CENPF: variants seen among roughly 807,000 people sequenced by gnomAD.
CENPF encodes centromere protein F.
In CENPF, 214 loss-of-function variants were observed where a neutral mutation model predicts 307.3. The ratio of observed to expected loss-of-function variants is 0.70; its 90% CI spans 0.62 to 0.78. The LOEUF (loss-of-function observed/expected upper bound fraction) is 0.78, where lower values mean the gene tolerates loss of function less well. Among genes scored for constraint, CENPF ranks in the 30% least tolerant of loss-of-function variants. The probability of loss-of-function intolerance (pLI) is 0.00; values close to 1 mark genes in which losing one functional copy is unlikely to be tolerated. For synonymous variants in CENPF, 1,259 were observed against 1,270.6 expected (o/e 0.99, Z 0.19); for missense variants, 3,401 against 3,483.9 (o/e 0.98, Z 0.60).
At chr1:214,647,608 G>A (rs1480926007) in intron 13 of CENPF, among the ~76,000 whole-genome samples, 1 of 152,130 alleles carries the variant, frequency 6.6e-6, no homozygotes, top group Non-Finnish European at 1.5e-5. Flanking sequence ...TGATTCTTTG[G>A]GACATGTTCA....
intron 7 of CENPF, among the ~76,000 whole-genome samples, chr1:214,627,619 G>A (rs7531311): frequency 0.015 from 2,306 of 151,756 alleles, 67 homozygotes; most frequent in African/African-American, 0.053. Flanking sequence ...CAGGTGATCC[G>A]CCCAACTTGG....
chr1:214,608,542 G>C (rs539143852), intron 1 of CENPF: 1 of 1,611,678 alleles, frequency 6.2e-7, no homozygotes, highest in Non-Finnish European at 8.5e-7. Context: ...ATACATGCAG[G>C]AGACGCGGTT....
chr1:214,641,945 C>G lies in CENPF; in HGVS notation c.3607C>G (p.Leu1203Val). 6.3e-7 allele frequency: 1 copy of G among 1,589,628 alleles called. No homozygotes were observed. Among genetic ancestry groups the G allele is most frequent in the Non-Finnish European group, 8.5e-7 (1 of 1,172,908 alleles). ...GGATCTTGAAGTTAAAGAAATTTCTCTAGATAGTTATAATGCGCAGTTGGT... is the reference window on the plus strand; with the variant it reads ...GGATCTTGAAGTTAAAGAAATTTCTGTAGATAGTTATAATGCGCAGTTGGT... Reference protein sequence around the residue: ...QMDLEVKEISLDSYNAQLVQL... With the variant: ...QMDLEVKEISVDSYNAQLVQL... Residue 1203 changes from leucine (L) to valine (V), a missense_variant, in exon 12 of 20, where the codon CTA (leucine) becomes GTA (valine). By Grantham distance (32) the Leu-to-Val change is conservative (BLOSUM62 1). Coordinates refer to ENST00000366955, the MANE Select transcript of CENPF (RefSeq NM_016343.4).
chr1:214,619,304 G>A, intron 5 of CENPF, 84 bp downstream of exon 5: 1 of 709,008 alleles, frequency 1.4e-6, no homozygotes, highest in Non-Finnish European at 2.4e-6. Flanking sequence ...AGAAAAATCT[G>A]TTTTACATAG....
In CENPF at chr1:214,646,229, A is replaced by G. The variant is rs765761694; in HGVS notation, c.6659A>G (p.Gln2220Arg). The G allele has an allele frequency of 1.2e-6, 2 of 1,613,332 alleles. No homozygotes were observed. Among genetic ancestry groups the G allele is most frequent in the South Asian group, 1.1e-5 (1 of 90,984 alleles). The change falls in exon 13 of 20, where the codon CAA becomes CGA. Residue 2220 changes from glutamine to arginine, a missense_variant. Transcript: ENST00000366955. The part of the protein sequence containing the change: ...SEKENLTKQI[Q>R]EKQGQLSELD... ...AAAGAAAATCTGACAAAACAAATACAAGAAAAACAAGGTCAGTTGTCAGAA... is the reference window on the plus strand; with the variant it reads ...AAAGAAAATCTGACAAAACAAATACGAGAAAAACAAGGTCAGTTGTCAGAA...
intron 1 of CENPF, among the ~76,000 whole-genome samples, chr1:214,609,082 C>T (rs1011016049): frequency 9.9e-5 from 15 of 151,692 alleles, no homozygotes; most frequent in Non-Finnish European, 1.8e-4. Context: ...GGAAGCCCAC[C>T]CCGGCCCGCG....
In CENPF at chr1:214,647,062, G is replaced by T. The variant is rs1215317880; in HGVS notation, c.7492G>T (p.Val2498Phe). The part of the protein sequence containing the change: ...GLDEAKNNYI[V>F]LQSSVNGLIQ... ...TGATGAGGCCAAAAATAATTATATT[G>T]TTTTGCAATCTTCAGTGAATGGCCT... The change falls in exon 13 of 20, where the codon GTT becomes TTT. Residue 2498 changes from valine (V) to phenylalanine (F), a missense_variant. Transcript: ENST00000366955. 1 of 1,614,054 alleles carries T rather than the reference G, an allele frequency of 6.2e-7. No individual in the cohort carries two copies. Among genetic ancestry groups the T allele is most frequent in the South Asian group, 1.1e-5 (1 of 91,064 alleles).
chr1:214,624,963 T>C (rs938830679), intron 7 of CENPF, among the ~76,000 whole-genome samples: 1 of 152,208 alleles, frequency 6.6e-6, no homozygotes, highest in Non-Finnish European at 1.5e-5. Flanking sequence ...TGCAGCTCTG[T>C]TGGTGAAGGC....
rs1657267028 is a variant in CENPF, at chr1:214,613,925, G to A, written c.162+9G>A. The A allele has an allele frequency of 2.5e-6, 4 of 1,603,164 alleles. No homozygotes were observed. The East Asian group carries it at 9.0e-5, about 36-fold the overall frequency. The stretch of plus-strand genomic sequence containing the variant: ...AGAAGCAAAAACAGAAGGTACCCCT[G>A]AAGCTCTGGTATTTGTAGCTGTTCA... On this transcript the variant is annotated intron_variant, in intron 2 of 19. Coordinates refer to ENST00000366955, the MANE Select transcript of CENPF (RefSeq NM_016343.4).
In CENPF at chr1:214,640,384, T is replaced by C; in HGVS notation, c.2046T>C (p.Leu682=). 6.2e-7 allele frequency: 1 copy of C among 1,613,980 alleles called. No individual in the cohort carries two copies. The highest frequency in any genetic ancestry group is 8.5e-7 in the Non-Finnish European group (1 of 1,179,994). ...RENLSVEIRN[L]HNVLDSKSVE... is the part of the protein sequence containing the mutation. ...ACCTAAGTGTCGAGATCAGAAACCT[T>C]CACAACGTGTTAGACAGTAAGTCAG... Residue 682 remains leucine (L), a synonymous_variant, in exon 12 of 20, where the codon CTT becomes CTC. Transcript: ENST00000366955.
Position 214,615,000 on chromosome 1 carries a change from A to G in CENPF, c.331A>G (p.Ile111Val). ...ACAACTGAATTCAGGCAAAAAACAA[A>G]TAGAAAAACTGGAACAGGAACTTAA... ...EGQLNSGKKQ[I>V]EKLEQELKRC... Residue 111 changes from isoleucine (I) to valine (V), a missense_variant, in exon 3 of 20, where the codon ATA becomes GTA. Coordinates refer to ENST00000366955, the MANE Select transcript of CENPF (RefSeq NM_016343.4). 1.2e-6 allele frequency: 2 copies of G among 1,603,184 alleles called. No individual in the cohort carries two copies. Among genetic ancestry groups the G allele is most frequent in the Non-Finnish European group, 1.7e-6 (2 of 1,176,634 alleles).
At chr1:214,619,381 T>TA (rs1261519994) in intron 5 of CENPF, among the ~76,000 whole-genome samples, 161 bp downstream of exon 5, 1 of 152,220 alleles carries the variant, frequency 6.6e-6, no homozygotes, top group Non-Finnish European at 1.5e-5. Context: ...GATTATTTTT[T>TA]AGTTTTAAAA....
chr1:214,647,994 C>T (rs748836510), intron 13 of CENPF: 43 of 498,934 alleles, frequency 8.6e-5, no homozygotes, highest in Non-Finnish European at 1.5e-4. Context: ...GATCTGCCAT[C>T]AAGAGGCTCA....
At position 214,619,279 on chromosome 1, in the gene CENPF, A is replaced by G. The variant is rs541187994; in HGVS notation, c.573+59A>G. 3 of 858,146 alleles carry G rather than the reference A, an allele frequency of 3.5e-6. No individual in the cohort carries two copies. The Admixed American group carries it at 7.6e-5, about 22-fold the overall frequency. The allele number at this position is 858,146 out of a possible 1,614,324, so 53.2% of individuals were successfully genotyped here. ...CAGTTATAGAATACTTTGATATAGA[A>G]TAGAACAAGGTTAGAGAAAAATCTG... On this transcript the variant is annotated intron_variant, in intron 5 of 19. Transcript: ENST00000366955.
Position 214,642,270 on chromosome 1 carries a change from A to G in CENPF, c.3932A>G (p.Gln1311Arg). The G allele has an allele frequency of 6.2e-7, 1 of 1,613,834 alleles. No individual in the cohort carries two copies. The highest frequency in any genetic ancestry group is 8.5e-7 in the Non-Finnish European group (1 of 1,179,906). ...CTAGAGAAAATATGTGAAATACTGC[A>G]GGCTGAAAAGTATGAACTCGTAACT... ...NELEKICEIL[Q>R]AEKYELVTEL... The change falls in exon 12 of 20, where the codon CAG becomes CGG. Residue 1311 changes from glutamine to arginine, a missense_variant. Coordinates refer to ENST00000366955, the MANE Select transcript of CENPF (RefSeq NM_016343.4).
At chr1:214,611,400 TTG>T (rs1657196895) in intron 1 of CENPF, among the ~76,000 whole-genome samples, 1 of 152,066 alleles carries the variant, frequency 6.6e-6, no homozygotes, top group Admixed American at 6.6e-5. Context: ...GTTTCGCTCT[TTG>T]TTGCCCAGGA....
At chr1:214,608,905 C>T in intron 1 of CENPF, 2 of 1,266,738 alleles carry the variant, frequency 1.6e-6, no homozygotes, top group South Asian at 3.3e-5. Context: ...CGGCCTGGCC[C>T]GGCAGGGGAG....
At chr1:214,635,142 T>C (rs1291187020) in intron 10 of CENPF, among the ~76,000 whole-genome samples, 1 of 152,200 alleles carries the variant, frequency 6.6e-6, no homozygotes, top group East Asian at 1.9e-4. Context: ...GGATCTGTAT[T>C]ACACTAGGTC....
intron 10 of CENPF, among the ~76,000 whole-genome samples, chr1:214,636,473 A>G (rs1657969918): frequency 6.6e-6 from 1 of 152,182 alleles, no homozygotes; most frequent in Admixed American, 6.5e-5. Flanking sequence ...GACACGGTAG[A>G]TGGGAGTATA....
Sources: gnomAD v4.1 joint callset for allele counts (sites outside exome capture counted in the v4.1 genomes callset) on GRCh38, gnomAD v4.1.1 for gene constraint, MANE v1.5 for transcripts, NCBI Gene and HGNC (gene_info 2026-07-23, HGNC 2026-07-21) for gene names.